The following SGCG variants were observed in gnomAD, a reference collection of about 807,000 sequenced individuals.
The protein encoded by SGCG is sarcoglycan gamma.
SGCG carries 26 observed loss-of-function variants against 29.3 expected under a neutral mutation model. The ratio of observed to expected loss-of-function variants is 0.89; its 90% CI spans 0.65 to 1.23. The LOEUF (loss-of-function observed/expected upper bound fraction) is 1.23. SGCG is among the 50% of genes most tolerant of loss of function. SGCG has a pLI of 0.00. For synonymous variants in SGCG, 145 were observed against 129.7 expected (o/e 1.12, Z -0.80); for missense variants, 353 against 356.0 (o/e 0.99, Z 0.07).
intron 2 of SGCG, among the ~76,000 whole-genome samples, chr13:23,204,977 T>TA (rs1443325082): frequency 6.6e-6 from 1 of 151,992 alleles, no homozygotes; most frequent in Non-Finnish European, 1.5e-5. Flanking sequence ...TGCAAAGAGG[T>TA]AAAATACCAA....
chr13:23,203,013 G>A (rs1281122431), intron 1 of SGCG, among the ~76,000 whole-genome samples: 2 of 151,918 alleles, frequency 1.3e-5, no homozygotes, highest in Non-Finnish European at 2.9e-5. Flanking sequence ...AGACTGGAGT[G>A]CAGTGGCGCG....
At chr13:23,173,129 A>G in the SGCG span, among the ~76,000 whole-genome samples, 1 of 152,190 alleles carries the variant, frequency 6.6e-6, no homozygotes, top group South Asian at 2.1e-4. Flanking sequence ...GATGTGCAGC[A>G]GTGGTGGACT....
At chr13:23,252,648 A>G (rs988854927) in intron 4 of SGCG, among the ~76,000 whole-genome samples, 7 of 152,156 alleles carry the variant, frequency 4.6e-5, no homozygotes, top group African/African-American at 7.2e-5. Flanking sequence ...CCAAGATCGC[A>G]TCACTGCACT....
intron 2 of SGCG, among the ~76,000 whole-genome samples, chr13:23,227,848 A>G (rs558752741): frequency 1.3e-5 from 2 of 152,232 alleles, no homozygotes; most frequent in African/African-American, 4.8e-5. Context: ...TCTCACTCCA[A>G]TGCCAAGGCT....
At chr13:23,305,096 G>A (rs1269556176) in intron 6 of SGCG, among the ~76,000 whole-genome samples, 1 of 152,030 alleles carries the variant, frequency 6.6e-6, no homozygotes, top group Non-Finnish European at 1.5e-5. Context: ...TTAACTTGTC[G>A]ACTTCCAGAA....
At chr13:23,210,230 T>C (rs1878139186) in intron 2 of SGCG, among the ~76,000 whole-genome samples, 3 of 152,212 alleles carry the variant, frequency 2.0e-5, no homozygotes, top group African/African-American at 7.2e-5. Flanking sequence ...TGAAATTATT[T>C]TTTCATTTTA....
At chr13:23,187,818 C>T (rs1300114198) in intron 1 of SGCG, among the ~76,000 whole-genome samples, 4 of 152,168 alleles carry the variant, frequency 2.6e-5, no homozygotes, top group Non-Finnish European at 5.9e-5. Context: ...TGTCCCATGA[C>T]CAGGTGCTCT....
At chr13:23,322,184 A>G (rs473053) in intron 7 of SGCG, among the ~76,000 whole-genome samples, 144,141 of 152,230 alleles carry the variant, frequency 0.95, 68,310 homozygotes, top group South Asian at 0.98. Context: ...AGTGAGTGAC[A>G]TGGGTTGTGT....
chr13:23,234,512 C>T, intron 2 of SGCG, 99 bp from the exon 3 acceptor site: 1 of 809,918 alleles, frequency 1.2e-6, no homozygotes, highest in Non-Finnish European at 2.1e-6. Context: ...AGGTGGTAGG[C>T]AATATATGGA....
intron 7 of SGCG, among the ~76,000 whole-genome samples, chr13:23,321,899 G>A (rs1436329172): frequency 7.6e-6 from 1 of 131,118 alleles, no homozygotes; most frequent in African/African-American, 2.6e-5. Context: ...TTGGAACCCT[G>A]TTTGTTAGAA....
At chr13:23,273,487 T>C (rs909492609) in intron 4 of SGCG, among the ~76,000 whole-genome samples, 5 of 152,206 alleles carry the variant, frequency 3.3e-5, no homozygotes, top group African/African-American at 1.2e-4. Flanking sequence ...GCCCAGCCAG[T>C]TGATATTTTT....
intron 6 of SGCG, among the ~76,000 whole-genome samples, chr13:23,303,771 A>T (rs1882263112): frequency 6.6e-6 from 1 of 152,220 alleles, no homozygotes; most frequent in Non-Finnish European, 1.5e-5. Flanking sequence ...AGAGGAATCC[A>T]TGGGTGAAAA....
In SGCG at chr13:23,217,010, AATG is replaced by A. The variant is rs773095535; in HGVS notation, c.195+13130_195+13132del. Among the ~76,000 whole-genome samples the A allele has an allele frequency of 6.3e-4, 96 of 151,782 alleles. 1 individual carries two copies. The East Asian group carries it at 0.017, about 27-fold the overall frequency. ...CAATTATAATGATGAGCATGATGAT[AATG>A]ATGATGATAACCTTTGTGTGGTGTG... On this transcript the variant is annotated intron_variant, in intron 2 of 7. Transcript: ENST00000218867.
At chr13:23,199,358 A>G (rs9510621) in intron 1 of SGCG, among the ~76,000 whole-genome samples, 74,958 of 152,044 alleles carry the variant, frequency 0.49, 19,254 homozygotes, top group East Asian at 0.68. Context: ...TGTTATTCCA[A>G]TGCAATTTCT....
At chr13:23,221,439 AATTTT>A (rs1362603840) in intron 2 of SGCG, among the ~76,000 whole-genome samples, 1 of 152,186 alleles carries the variant, frequency 6.6e-6, no homozygotes, top group East Asian at 1.9e-4. Context: ...TTAACCTATT[AATTTT>A]AAAAAATATA....
chr13:23,175,076 G>A, the SGCG span, among the ~76,000 whole-genome samples: 1 of 152,204 alleles, frequency 6.6e-6, no homozygotes, highest in Non-Finnish European at 1.5e-5. Context: ...AGTAGACTGT[G>A]AAATTGCCAA....
intron 2 of SGCG, among the ~76,000 whole-genome samples, chr13:23,208,196 G>A (rs758483805): frequency 2.6e-5 from 4 of 152,008 alleles, no homozygotes; most frequent in Non-Finnish European, 4.4e-5. Context: ...TTTCTATCAT[G>A]CATTCAGTTG....
chr13:23,292,844 T>C (rs1881767753), intron 5 of SGCG, among the ~76,000 whole-genome samples: 1 of 152,206 alleles, frequency 6.6e-6, no homozygotes, highest in African/African-American at 2.4e-5. Flanking sequence ...CCACAGTAAA[T>C]ATACTTATAT....
intron 6 of SGCG, among the ~76,000 whole-genome samples, chr13:23,319,035 C>G (rs534714283): frequency 6.6e-6 from 1 of 152,304 alleles, no homozygotes; most frequent in African/African-American, 2.4e-5. Flanking sequence ...CGTGGTGGCT[C>G]ACGCCTGTAA....
Sources: gnomAD v4.1 joint callset for allele counts (sites outside exome capture counted in the v4.1 genomes callset) on GRCh38, gnomAD v4.1.1 for gene constraint, MANE v1.5 for transcripts, NCBI Gene and HGNC (gene_info 2026-07-23, HGNC 2026-07-21) for gene names.